TSHZ2: variants seen among roughly 807,000 people sequenced by gnomAD.
The protein encoded by TSHZ2 is teashirt zinc finger homeobox 2.
Under a neutral mutation model 74.4 loss-of-function variants are expected in TSHZ2, and 21 were observed. The ratio of observed to expected loss-of-function variants is 0.28; its 90% confidence interval spans 0.20 to 0.41. The LOEUF (loss-of-function observed/expected upper bound fraction) is 0.41, where lower values mean the gene tolerates loss of function less well. Ranked by LOEUF, TSHZ2 falls within the 10% of genes least tolerant of loss-of-function variation. The probability of loss-of-function intolerance (pLI) is 1.00; values close to 1 mark genes in which losing one functional copy is unlikely to be tolerated. For missense variants in TSHZ2, 1,244 were observed against 1,293.5 expected, an observed-to-expected ratio of 0.96 and a Z score of 0.59; for synonymous variants, 540 against 515.3, an observed-to-expected ratio of 1.05 and a Z score of -0.65.
At chr20:53,002,286 T>C (rs1333642190) in intron 1 of TSHZ2, among the ~76,000 whole-genome samples, 1 of 152,190 alleles carries the variant, frequency 6.6e-6, no homozygotes, top group Non-Finnish European at 1.5e-5. Flanking sequence ...TAGCCAGGGG[T>C]ACCTGACTTC....
rs190327225 is a variant in TSHZ2 at position 53,099,746 on chromosome 20, T to C, written c.40+126413T>C. ...TAAAAACATCTGATCTTGTGAGACC[T>C]ATTCACTACTACGACAAGAGTATGG... On this transcript the variant is annotated intron_variant, in intron 1 of 2. Coordinates refer to ENST00000371497, the MANE Select transcript of TSHZ2 (RefSeq NM_173485.6). 1.6e-3 allele frequency among the ~76,000 whole-genome samples: 238 copies of C among 152,268 alleles called. 1 individual carries two copies. The highest frequency in any genetic ancestry group is 5.6e-3 in the African/African-American group (231 of 41,558).
Position 53,464,825 on chromosome 20 carries a change from G to A in TSHZ2, c.*9-22319G>A, listed in dbSNP as rs73620462. Among the ~76,000 whole-genome samples, 176 of 152,080 alleles carry A rather than the reference G, an allele frequency of 1.2e-3. 3 individuals are homozygous for A. The East Asian group carries it at 0.028, about 24-fold the overall frequency. On this transcript the variant is annotated intron_variant, in intron 2 of 2. Coordinates refer to ENST00000371497, the MANE Select transcript of TSHZ2 (RefSeq NM_173485.6). ...TCTGTGGCCCAGTCTGGAGGGCAAC[G>A]GTGTGGTTACAGCTCACTGCAGCCT...
chr20:53,227,080 G>T (rs1373046896), intron 1 of TSHZ2, among the ~76,000 whole-genome samples: 7 of 151,130 alleles, frequency 4.6e-5, no homozygotes, highest in African/African-American at 1.7e-4. Flanking sequence ...TCTCACACCG[G>T]CTTATTGAAT....
chr20:53,246,402 G>A (rs1275667254), intron 1 of TSHZ2, among the ~76,000 whole-genome samples: 1 of 152,174 alleles, frequency 6.6e-6, no homozygotes, highest in Non-Finnish European at 1.5e-5. Context: ...GTGTCCTCCA[G>A]ACAAGTGTCC....
At chr20:53,298,144 A>G (rs1311729205) in intron 2 of TSHZ2, among the ~76,000 whole-genome samples, 1 of 152,152 alleles carries the variant, frequency 6.6e-6, no homozygotes, top group African/African-American at 2.4e-5. Context: ...AATTAGAAAA[A>G]CACTCATGCA....
chr20:53,414,250 T>TTA (rs1335613959), intron 2 of TSHZ2, among the ~76,000 whole-genome samples: 2 of 152,144 alleles, frequency 1.3e-5, no homozygotes, highest in Non-Finnish European at 2.9e-5. Flanking sequence ...CAGGGGTACT[T>TTA]TATATTTTTG....
chr20:53,247,184 G>A (rs1373425222), intron 1 of TSHZ2, among the ~76,000 whole-genome samples: 2 of 152,220 alleles, frequency 1.3e-5, no homozygotes, highest in African/African-American at 2.4e-5. Context: ...TATGTGGCAT[G>A]ACAGGGATAA....
intron 1 of TSHZ2, among the ~76,000 whole-genome samples, chr20:53,110,024 AT>A (rs1986487395): frequency 6.6e-6 from 1 of 152,084 alleles, no homozygotes; most frequent in African/African-American, 2.4e-5. Context: ...CTACATTTCC[AT>A]TTTTTCACCT....
chr20:53,389,600 G>T (rs945369840), intron 2 of TSHZ2, among the ~76,000 whole-genome samples: 3 of 152,206 alleles, frequency 2.0e-5, no homozygotes, highest in Non-Finnish European at 4.4e-5. Context: ...GAAAAGTAGT[G>T]GCAGAGGTGA....
At chr20:53,047,388 T>G (rs1444115307) in intron 1 of TSHZ2, among the ~76,000 whole-genome samples, 2 of 152,328 alleles carry the variant, frequency 1.3e-5, no homozygotes, top group Middle Eastern at 6.8e-3. Context: ...GGCTTCCTTC[T>G]GATGGTCCAA....
At chr20:53,178,222 A>G (rs1354254403) in intron 1 of TSHZ2, 2 of 152,130 alleles carry the variant, frequency 1.3e-5, no homozygotes, top group Non-Finnish European at 2.9e-5. Context: ...TGCCACACGA[A>G]CTTCTGCCAT....
At chr20:53,455,934 C>A (rs1985056170) in intron 2 of TSHZ2, among the ~76,000 whole-genome samples, 1 of 151,542 alleles carries the variant, frequency 6.6e-6, no homozygotes, top group Non-Finnish European at 1.5e-5. Context: ...TGTATATGTG[C>A]CACATTTTCT....
chr20:53,217,467 C>G (rs1466799539), intron 1 of TSHZ2, among the ~76,000 whole-genome samples: 1 of 152,084 alleles, frequency 6.6e-6, no homozygotes, highest in Non-Finnish European at 1.5e-5. Flanking sequence ...ATAATCAGAA[C>G]AGCAACGCCA....
chr20:53,330,615 A>G (rs949871095), intron 2 of TSHZ2, among the ~76,000 whole-genome samples: 11 of 152,140 alleles, frequency 7.2e-5, no homozygotes, highest in African/African-American at 2.4e-4. Flanking sequence ...TGTATGTTTT[A>G]TTTTCTCCTA....
rs114537479 is a variant in TSHZ2, at chr20:52,983,242, T to C, written c.40+9909T>C. On this transcript the variant is annotated intron_variant, in intron 1 of 2. Transcript: ENST00000371497. Reference sequence around the variant, plus strand: ...CACCTCAGCGTTTTCATCTGTCAGATGGGGATAAGAATTTTGCTCACCTCA... The same window carrying C: ...CACCTCAGCGTTTTCATCTGTCAGACGGGGATAAGAATTTTGCTCACCTCA... 8.1e-3 allele frequency among the ~76,000 whole-genome samples: 1,233 copies of C among 152,284 alleles called. 15 individuals are homozygous for C. Among genetic ancestry groups the C allele is most frequent in the African/African-American group, 0.028 (1,172 of 41,562 alleles).
At chr20:53,342,618 T>C (rs1980252253) in intron 2 of TSHZ2, among the ~76,000 whole-genome samples, 1 of 152,176 alleles carries the variant, frequency 6.6e-6, no homozygotes, top group Admixed American at 6.5e-5. Context: ...AGCACAGCAC[T>C]GTAGACACTC....
At chr20:52,990,751 C>T (rs1367900926) in intron 1 of TSHZ2, among the ~76,000 whole-genome samples, 3 of 152,168 alleles carry the variant, frequency 2.0e-5, no homozygotes, top group Non-Finnish European at 1.5e-5. Flanking sequence ...TATTGAAGCT[C>T]ACTGGTAGGT....
At chr20:53,242,880 C>G (rs959751912) in intron 1 of TSHZ2, among the ~76,000 whole-genome samples, 2 of 152,136 alleles carry the variant, frequency 1.3e-5, no homozygotes, top group African/African-American at 4.8e-5. Flanking sequence ...ACAAGGTGGG[C>G]TGGGTATAGC....
At chr20:53,149,849 C>T (rs115008720) in intron 1 of TSHZ2, among the ~76,000 whole-genome samples, 14 of 152,308 alleles carry the variant, frequency 9.2e-5, no homozygotes, top group African/African-American at 2.9e-4. Context: ...TGCATAAGCA[C>T]GCTCGGAAAA....
Sources: allele counts gnomAD v4.1 joint callset (sites outside exome capture counted in the v4.1 genomes callset), GRCh38; gene constraint gnomAD v4.1.1; transcripts MANE v1.5; gene names NCBI Gene and HGNC (gene_info 2026-07-23, HGNC 2026-07-21).